The following SMIM9 variants were observed in gnomAD, a reference collection of about 807,000 sequenced individuals.
SMIM9 encodes the protein chromosome X open reading frame 68.
Under a neutral mutation model 7.2 loss-of-function variants are expected in SMIM9, and 8 were observed. The ratio of observed to expected loss-of-function variants is 1.10; its 90% CI spans 0.65 to 1.99. The LOEUF is 1.99. Ranked by LOEUF, SMIM9 falls within the 30% of genes most tolerant of loss-of-function variation. SMIM9 has a pLI of 0.00. For synonymous variants in SMIM9, 19 were observed against 26.4 expected, an observed-to-expected ratio of 0.72 and a Z score of 0.86; for missense variants, 76 against 69.3, an observed-to-expected ratio of 1.10 and a Z score of -0.34.
chrX:154,827,081 T>C (rs2072424847), intron 4 of SMIM9, among the ~76,000 whole-genome samples: 1 of 112,805 alleles, frequency 8.9e-6, no homozygotes, highest in Admixed American at 9.4e-5. Context: ...CTTATTGGCT[T>C]TTCTATTCAG....
At chrX:154,828,631 A>G (rs2072431576) in intron 4 of SMIM9, among the ~76,000 whole-genome samples, 1 of 111,819 alleles carries the variant, frequency 8.9e-6, no homozygotes, top group Non-Finnish European at 1.9e-5. Context: ...GTTCTGGCTT[A>G]TGGTTTCTCT....
intron 2 of SMIM9, among the ~76,000 whole-genome samples, chrX:154,832,126 T>A (rs1338217437): frequency 1.8e-5 from 2 of 111,183 alleles, no homozygotes; most frequent in African/African-American, 6.5e-5. Flanking sequence ...ATGGCGACTT[T>A]TGGCAGATAT....
rs186510434 is a variant in SMIM9, at chrX:154,823,724, C to G, written c.*31G>C. The G allele has an allele frequency of 2.4e-4, 276 of 1,145,909 alleles. 2 individuals are homozygous for G. The African/African-American group carries it at 4.5e-3, about 19-fold the overall frequency. The allele number at this position is 1,145,909 out of a possible 1,213,427, so 94.4% of individuals were successfully genotyped here. ...CTCTTTTGGAGTCCAACTGGAGAGACCACACTTGCCCTGTTGAATCTTCTA... is the reference window on the plus strand; with the variant it reads ...CTCTTTTGGAGTCCAACTGGAGAGAGCACACTTGCCCTGTTGAATCTTCTA... On this transcript the variant is annotated 3_prime_UTR_variant, in exon 5 of 5. Coordinates refer to ENST00000369529, the MANE Select transcript of SMIM9 (RefSeq NM_001162936.4).
intron 4 of SMIM9, 76 bp downstream of exon 4, chrX:154,829,459 G>T: frequency 9.1e-7 from 1 of 1,094,595 alleles, no homozygotes; most frequent in Non-Finnish European, 1.2e-6. Flanking sequence ...GCAGGCTGGT[G>T]AGCAACCTGT....
At chrX:154,830,582 G>C (rs1569559166) in intron 3 of SMIM9, 133 bp downstream of exon 3, 1 of 869,484 alleles carries the variant, frequency 1.2e-6, no homozygotes, top group Non-Finnish European at 1.6e-6. Flanking sequence ...GAACTAAATT[G>C]AACCAAACCA....
At chrX:154,824,355 C>CAAAAAAAAAAAAAAAAA (rs375492512) in intron 4 of SMIM9, among the ~76,000 whole-genome samples, 13 of 42,387 alleles carry the variant, frequency 3.1e-4, no homozygotes, top group African/African-American at 6.0e-4. Context: ...GACTCCGTCT[C>CAAAAAAAAAAAAAAAAA]AAAAAAAAAA....
intron 4 of SMIM9, among the ~76,000 whole-genome samples, chrX:154,829,179 T>C (rs5945249): frequency 0.13 from 14,359 of 111,625 alleles, 744 homozygotes; most frequent in Non-Finnish European, 0.15. Flanking sequence ...TGATAAATTT[T>C]CAGGAAATTG....
rs782181980 is a variant in SMIM9, at chrX:154,823,418, C to CAT, written c.*335_*336dup. On this transcript the variant is annotated 3_prime_UTR_variant, in exon 5 of 5. Transcript: ENST00000369529. ...AACAGACTTTGGAAAACTTGTAATA[C>CAT]ATATATAGAAAAAAATTGAAGGGAG... The CAT allele has an allele frequency of 1.1e-3, 186 of 174,632 alleles. No individual in the cohort carries two copies. Among genetic ancestry groups the CAT allele is most frequent in the African/African-American group, 5.4e-3 (180 of 33,310 alleles). 14.4% of individuals were successfully genotyped at this position (174,632 alleles called of 1,213,427 possible).
chrX:154,827,752 T>C (rs916845939), intron 4 of SMIM9, among the ~76,000 whole-genome samples: 5 of 112,293 alleles, frequency 4.5e-5, no homozygotes, highest in African/African-American at 1.6e-4. Context: ...CACTTTTCCT[T>C]TCATACGTGG....
rs1200628790 is a variant in SMIM9, at chrX:154,834,049, T to C, written c.-210+514A>G. ...GGCGCTGATAAAGGTGTATCTAGGT[T>C]GTGACCCGAAACACTGGAGGAAGCT... On this transcript the variant is annotated intron_variant, in intron 1 of 4. Coordinates refer to ENST00000369529, the MANE Select transcript of SMIM9 (RefSeq NM_001162936.4). Among the ~76,000 whole-genome samples, 3 of 112,260 alleles carry C rather than the reference T, an allele frequency of 2.7e-5. No individual in the cohort carries two copies. The Admixed American group carries it at 2.8e-4, about 11-fold the overall frequency.
intron 2 of SMIM9, among the ~76,000 whole-genome samples, chrX:154,831,354 AT>A (rs2072444871): frequency 8.9e-6 from 1 of 112,230 alleles, no homozygotes; most frequent in African/African-American, 3.2e-5. Flanking sequence ...ATTTCTATAT[AT>A]TTTTAACTCC....
chrX:154,825,084 G>T (rs935886125), intron 4 of SMIM9, among the ~76,000 whole-genome samples: 1 of 111,874 alleles, frequency 8.9e-6, no homozygotes, highest in African/African-American at 3.3e-5. Context: ...TTTAATTTCT[G>T]CAACACTTAA....
intron 1 of SMIM9, among the ~76,000 whole-genome samples, chrX:154,833,111 C>G (rs1048382662): frequency 9.0e-6 from 1 of 111,351 alleles, no homozygotes; most frequent in East Asian, 2.8e-4. Flanking sequence ...TTTTTATAAT[C>G]TTGGTGCAGA....
At chrX:154,830,523 T>C (rs1366076599) in intron 3 of SMIM9, 192 bp downstream of exon 3, 1 of 432,970 alleles carries the variant, frequency 2.3e-6, no homozygotes, top group Non-Finnish European at 3.8e-6. Flanking sequence ...TCCTAATCCA[T>C]GTAGTTCAGA....
At position 154,830,385 on chromosome X, in the gene SMIM9, C is replaced by T. The variant is rs782422630; in HGVS notation, c.142+330G>A. On this transcript the variant is annotated intron_variant, in intron 3 of 4. Coordinates refer to ENST00000369529, the MANE Select transcript of SMIM9 (RefSeq NM_001162936.4). ...ACCTCCTTTGTCAAGTCTTTCCTGA[C>T]CCCTCCCCCAAAACAATTTAAATTA... 2.0e-4 allele frequency among the ~76,000 whole-genome samples: 22 copies of T among 111,073 alleles called. No homozygotes were observed. The South Asian group carries it at 8.5e-3, about 43-fold the overall frequency.
At chrX:154,824,086 G>T (rs781848688) in intron 4 of SMIM9, among the ~76,000 whole-genome samples, 1 of 111,041 alleles carries the variant, frequency 9.0e-6, no homozygotes, top group South Asian at 3.8e-4. Flanking sequence ...GGCCGGGCGC[G>T]GTGGCTCACA....
chrX:154,831,453 CTTCT>C (rs2072445498), intron 2 of SMIM9, among the ~76,000 whole-genome samples: 1 of 111,917 alleles, frequency 8.9e-6, no homozygotes, highest in Non-Finnish European at 1.9e-5. Flanking sequence ...AGTAATGACT[CTTCT>C]TTTTCTCTCA....
At chrX:154,824,289 G>A (rs368702271) in intron 4 of SMIM9, among the ~76,000 whole-genome samples, 62 of 99,785 alleles carry the variant, frequency 6.2e-4, no homozygotes, top group African/African-American at 2.2e-3. Flanking sequence ...CCCGGAGGCG[G>A]AGCTTGCAGT....
chrX:154,824,225 C>T (rs185734507), intron 4 of SMIM9, among the ~76,000 whole-genome samples: 1,757 of 108,741 alleles, frequency 0.016, 25 homozygotes, highest in South Asian at 0.11. Context: ...GGCGTGGTGG[C>T]GGGCGCCTGT....
Sources: allele counts gnomAD v4.1 joint callset (sites outside exome capture counted in the v4.1 genomes callset), GRCh38; gene constraint gnomAD v4.1.1; transcripts MANE v1.5; gene names NCBI Gene and HGNC (gene_info 2026-07-23, HGNC 2026-07-21).